LEMD1: variants seen among roughly 807,000 people sequenced by gnomAD.
LEMD1 encodes LEM domain-containing protein 1.
In LEMD1, 18 loss-of-function variants were observed where a neutral mutation model predicts 17.4. The observed-to-expected ratio is 1.04, with a 90% CI of 0.72 to 1.54. The LOEUF (loss-of-function observed/expected upper bound fraction) is 1.54, where lower values mean the gene tolerates loss of function less well. LEMD1 is among the 40% of genes most tolerant of loss of function. LEMD1 has a pLI of 0.00. For missense variants in LEMD1, 195 were observed against 210.4 expected (o/e 0.93, Z 0.45); for synonymous variants, 88 against 77.8 (o/e 1.13, Z -0.69).
intron 1 of LEMD1, among the ~76,000 whole-genome samples, chr1:205,421,040 T>C (rs926408541): frequency 6.6e-6 from 1 of 152,066 alleles, no homozygotes; most frequent in African/African-American, 2.4e-5. Flanking sequence ...CATTCAGTTA[T>C]TGCAAACAGT....
At chr1:205,430,757 A>G (rs2102453332) in intron 1 of LEMD1, among the ~76,000 whole-genome samples, 1 of 152,324 alleles carries the variant, frequency 6.6e-6, no homozygotes, top group Admixed American at 6.5e-5. Context: ...CGCACTGCGC[A>G]CGCGCACTCA....
rs114428732 is a variant in LEMD1, at chr1:205,445,724, G to A, written c.-39+4144C>T. ...CACTCAGTGTTTTCCAGCCTGGCTC[G>A]GCAGAGGCTGGCCCACCGTAAGAGT... On this transcript the variant is annotated intron_variant, in intron 1 of 3. Transcript: ENST00000367154. 4.3e-3 allele frequency among the ~76,000 whole-genome samples: 659 copies of A among 152,300 alleles called. 4 individuals carry two copies. The highest frequency in any genetic ancestry group is 0.017 in the Middle Eastern group (5 of 294).
At chr1:205,382,036 C>T in intron 5 of LEMD1, 180 bp from the exon 6 acceptor site, 1 of 613,940 alleles carries the variant, frequency 1.6e-6, no homozygotes. Flanking sequence ...GGATCTTGTT[C>T]TGTTGTCCAG....
intron 4 of LEMD1, among the ~76,000 whole-genome samples, chr1:205,397,103 A>G (rs903902078): frequency 3.3e-5 from 5 of 152,228 alleles, no homozygotes; most frequent in Admixed American, 2.6e-4. Flanking sequence ...AGTGCCTCCC[A>G]TGGACTCTCA....
intron 1 of LEMD1, among the ~76,000 whole-genome samples, chr1:205,446,924 G>C (rs1666398832): frequency 6.6e-6 from 1 of 152,072 alleles, no homozygotes; most frequent in Non-Finnish European, 1.5e-5. Flanking sequence ...CTATTGTTCT[G>C]ATCCCCCCGC....
intron 4 of LEMD1, among the ~76,000 whole-genome samples, chr1:205,406,788 C>A (rs553645052): frequency 2.0e-4 from 31 of 152,194 alleles, no homozygotes; most frequent in Non-Finnish European, 3.8e-4. Context: ...GAAATCACAG[C>A]GTCTTCTGTG....
upstream of LEMD1, among the ~76,000 whole-genome samples, chr1:205,423,389 AG>A (rs1484089966): frequency 6.6e-6 from 1 of 152,262 alleles, no homozygotes; most frequent in Non-Finnish European, 1.5e-5. Context: ...AGGAGGCACA[AG>A]CATTTTGTTT....
At chr1:205,407,232 AG>A (rs1478635467) in intron 4 of LEMD1, among the ~76,000 whole-genome samples, 1 of 150,544 alleles carries the variant, frequency 6.6e-6, no homozygotes, top group African/African-American at 2.4e-5. Flanking sequence ...TGGGAGGCTG[AG>A]GCAGGAGAAC....
At position 205,441,030 on chromosome 1, in the gene LEMD1, C is replaced by A; in HGVS notation, c.-39+8838G>T. 6.6e-6 allele frequency: 1 copy of A among 152,578 alleles called. No individual in the cohort carries two copies. The allele number at this position is 152,578 out of a possible 1,614,324, so 9.5% of individuals were successfully genotyped here. On this transcript the variant is annotated intron_variant, in intron 1 of 3. Coordinates refer to the LEMD1 transcript ENST00000367154. This position sits in a 1 kb window ranked among gnomAD's most constrained non-coding sequence, Gnocchi z 4.3. ...AGGCGAAAGTGAACTGGGGCATGCC[C>A]TACGCCAGGCTGGGGGAACACTCAC...
At chr1:205,431,075 A>AC (rs959818360) in intron 1 of LEMD1, among the ~76,000 whole-genome samples, 9 of 151,944 alleles carry the variant, frequency 5.9e-5, no homozygotes, top group Non-Finnish European at 1.2e-4. Context: ...GGGGCGGAGG[A>AC]CCCCCAGCTC....
intron 1 of LEMD1, 136 bp from the exon 2 acceptor site, chr1:205,420,710 C>T (rs1665924151): frequency 3.4e-6 from 2 of 586,330 alleles, no homozygotes; most frequent in South Asian, 4.0e-5. Flanking sequence ...AAAATCAACA[C>T]TTTCTAGTTC....
intron 1 of LEMD1, chr1:205,437,192 A>G (rs2102460204): frequency 6.6e-6 from 1 of 152,546 alleles, no homozygotes; most frequent in Admixed American, 6.5e-5. Context: ...TTTGATCAGC[A>G]TGGAGATGAG....
upstream of LEMD1, among the ~76,000 whole-genome samples, chr1:205,424,213 G>A (rs1164850078): frequency 1.3e-5 from 2 of 152,180 alleles, no homozygotes; most frequent in Non-Finnish European, 2.9e-5. Flanking sequence ...TCTAAAGCCC[G>A]CATCACTCAT....
chr1:205,427,353 C>T (rs1468708466), intron 1 of LEMD1, among the ~76,000 whole-genome samples: 1 of 152,010 alleles, frequency 6.6e-6, no homozygotes, highest in African/African-American at 2.4e-5. Flanking sequence ...GGGGACATCA[C>T]TCATGACTGG....
chr1:205,396,325 A>T (rs777695552), intron 4 of LEMD1, among the ~76,000 whole-genome samples: 1 of 152,304 alleles, frequency 6.6e-6, no homozygotes, highest in African/African-American at 2.4e-5. Context: ...GGAGTTCTTA[A>T]TATATTACTG....
At chr1:205,384,202 T>G (rs1663874525) in intron 5 of LEMD1, 86 bp downstream of exon 5, 1 of 765,552 alleles carries the variant, frequency 1.3e-6, no homozygotes, top group Non-Finnish European at 1.9e-6. Context: ...GGCTAAACCC[T>G]TCACAGAAAT....
intron 4 of LEMD1, among the ~76,000 whole-genome samples, chr1:205,396,025 T>TA (rs1323150054): frequency 3.3e-5 from 5 of 152,134 alleles, no homozygotes; most frequent in African/African-American, 1.2e-4. Flanking sequence ...GTTTTTTTTT[T>TA]AAGACAGGAT....
chr1:205,387,615 G>A lies in LEMD1; in HGVS notation c.271-3251C>T, dbSNP rs529420461. ...CACCCAGGAGACACATAATATCTTT[G>A]CTCTCTTCTCCTTAGGCCCAGAGCT... On this transcript the variant is annotated intron_variant, in intron 4 of 5. Coordinates refer to ENST00000367153, the MANE Select transcript of LEMD1 (RefSeq NM_001199050.2). Among the ~76,000 whole-genome samples, 6 of 152,238 alleles carry A rather than the reference G, an allele frequency of 3.9e-5. 1 individual carries two copies. The highest frequency in any genetic ancestry group is 1.4e-4 in the African/African-American group (6 of 41,544).
chr1:205,397,869 G>A (rs575412783), intron 4 of LEMD1, among the ~76,000 whole-genome samples: 4 of 152,174 alleles, frequency 2.6e-5, no homozygotes, highest in African/African-American at 9.6e-5. Context: ...TTTTTCTACA[G>A]GAGAACACCA....
Sources: gnomAD v4.1 joint callset for allele counts (sites outside exome capture counted in the v4.1 genomes callset) on GRCh38, gnomAD v4.1.1 for gene constraint, Gnocchi (gnomAD v3.1) non-coding constraint, MANE v1.5 for transcripts, NCBI Gene and HGNC (gene_info 2026-07-23, HGNC 2026-07-21) for gene names.